The following AFG1L variants were observed in gnomAD, a reference collection of about 807,000 sequenced individuals.
AFG1L encodes AFG1-like ATPase.
Under a neutral mutation model 62.2 loss-of-function variants are expected in AFG1L, and 53 were observed. That is an observed-to-expected ratio of 0.85 (90% CI 0.68 to 1.07). The LOEUF is 1.07. AFG1L is among the 50% of genes least tolerant of loss of function. The probability of loss-of-function intolerance (pLI) is 0.00; values close to 1 mark genes in which losing one functional copy is unlikely to be tolerated. For missense variants in AFG1L, 555 were observed against 590.5 expected (o/e 0.94, Z 0.62); for synonymous variants, 228 against 210.3 (o/e 1.08, Z -0.73).
intron 6 of AFG1L, among the ~76,000 whole-genome samples, chr6:108,396,347 C>G (rs1021270889): frequency 2.0e-5 from 3 of 151,750 alleles, no homozygotes; most frequent in Non-Finnish European, 4.4e-5. Flanking sequence ...GTGACAGTTA[C>G]GTATATTAAA....
At chr6:108,449,600 A>AC (rs1771967933) in intron 8 of AFG1L, among the ~76,000 whole-genome samples, 1 of 151,832 alleles carries the variant, frequency 6.6e-6, no homozygotes, top group Admixed American at 6.6e-5. Context: ...TTGTAGAAAA[A>AC]CTTTTTTTTT....
intron 7 of AFG1L, among the ~76,000 whole-genome samples, chr6:108,441,932 C>A (rs1287604564): frequency 2.6e-5 from 4 of 151,666 alleles, no homozygotes; most frequent in Non-Finnish European, 5.9e-5. Context: ...CTTTCATTAG[C>A]CTTATTTTTT....
chr6:108,422,327 T>A (rs992070491), intron 7 of AFG1L, among the ~76,000 whole-genome samples: 2 of 151,548 alleles, frequency 1.3e-5, no homozygotes, highest in African/African-American at 4.9e-5. Flanking sequence ...TTACTTGAGC[T>A]CAGGAGTTTG....
chr6:108,457,719 C>T (rs1309102109), intron 8 of AFG1L, among the ~76,000 whole-genome samples: 1 of 151,782 alleles, frequency 6.6e-6, no homozygotes, highest in Non-Finnish European at 1.5e-5. Context: ...TTGAAATTTC[C>T]CCCGATATAA....
intron 10 of AFG1L, among the ~76,000 whole-genome samples, chr6:108,507,692 T>A (rs1368579426): frequency 6.6e-6 from 1 of 152,248 alleles, no homozygotes; most frequent in Non-Finnish European, 1.5e-5. Flanking sequence ...GTATACTTTC[T>A]GGTTTACAAA....
At chr6:108,514,831 A>G (rs921718539) in intron 11 of AFG1L, among the ~76,000 whole-genome samples, 4 of 152,344 alleles carry the variant, frequency 2.6e-5, no homozygotes, top group Middle Eastern at 6.8e-3. Context: ...AAACAAAAAA[A>G]GGCAGGGGTT....
At position 108,524,519 on chromosome 6, in the gene AFG1L, A is replaced by C. The variant is rs1330980164; in HGVS notation, c.*2094A>C. On this transcript the variant is annotated 3_prime_UTR_variant, in exon 13 of 13. Coordinates refer to ENST00000368977, the MANE Select transcript of AFG1L (RefSeq NM_145315.5). ...GGTCAAACGCATAGAAGCCTATGTA[A>C]TTCTCAGTGTAGCTTCCCTATAATG... The C allele has an allele frequency of 1.3e-5, 2 of 152,224 alleles. No homozygotes were observed. The highest frequency in any genetic ancestry group is 2.9e-5 in the Non-Finnish European group (2 of 68,038). The allele number at this position is 152,224 out of a possible 1,614,324, so 9.4% of individuals were successfully genotyped here.
At chr6:108,446,489 CTCTT>C (rs751403090) in intron 7 of AFG1L, among the ~76,000 whole-genome samples, 73 of 132,314 alleles carry the variant, frequency 5.5e-4, no homozygotes, top group East Asian at 1.0e-3. Flanking sequence ...CTCTCTCTCT[CTCTT>C]TTTTTTTTTT....
chr6:108,353,049 T>G (rs1273068945), intron 3 of AFG1L, among the ~76,000 whole-genome samples: 1 of 152,210 alleles, frequency 6.6e-6, no homozygotes, highest in African/African-American at 2.4e-5. Context: ...ATAATTCTGC[T>G]GTGAATATTG....
rs201547679 is a variant in AFG1L at position 108,510,305 on chromosome 6, C to G, written c.1156C>G (p.Gln386Glu). 1.8e-4 allele frequency: 292 copies of G among 1,612,376 alleles called. No individual in the cohort carries two copies. The highest frequency in any genetic ancestry group is 1.6e-4 in the Middle Eastern group (1 of 6,082). ...GCAATTTACTCTGGCAAACAGGACT[C>G]AAGGTCGAAGATTCATAACTCTCAT... The part of the protein sequence containing the change: ...IPQFTLANRT[Q>E]GRRFITLIDN... Residue 386 changes from glutamine (Q) to glutamate (E), a missense_variant, in exon 11 of 13, where the codon CAA becomes GAA. Physicochemically the swap from Gln to Glu is conservative, Grantham distance 29. Transcript: ENST00000368977.
intron 10 of AFG1L, among the ~76,000 whole-genome samples, chr6:108,486,108 A>G (rs1449000005): frequency 1.3e-5 from 2 of 152,254 alleles, no homozygotes; most frequent in African/African-American, 4.8e-5. Flanking sequence ...GTATGAAGAG[A>G]TTGGTAAAGT....
intron 1 of AFG1L, among the ~76,000 whole-genome samples, chr6:108,295,501 T>G (rs1776733470): frequency 6.6e-6 from 1 of 151,964 alleles, no homozygotes; most frequent in Admixed American, 6.6e-5. Flanking sequence ...TGGGAGTGCC[T>G]GGCTTGAAGA....
At chr6:108,319,961 A>G (rs2114283180) in intron 1 of AFG1L, among the ~76,000 whole-genome samples, 1 of 152,110 alleles carries the variant, frequency 6.6e-6, no homozygotes, top group African/African-American at 2.4e-5. Context: ...AATGAGGGGG[A>G]TATGAAAAGG....
intron 6 of AFG1L, among the ~76,000 whole-genome samples, chr6:108,383,490 A>G (rs1047015837): frequency 6.6e-6 from 1 of 152,190 alleles, no homozygotes; most frequent in Admixed American, 6.5e-5. Flanking sequence ...ATTAATTAAA[A>G]TTAAATAAAT....
intron 7 of AFG1L, among the ~76,000 whole-genome samples, chr6:108,427,614 C>T (rs1017934433): frequency 1.3e-5 from 2 of 150,550 alleles, no homozygotes; most frequent in Non-Finnish European, 2.9e-5. Context: ...CTCTGCCTCC[C>T]GGACTCAAGC....
At chr6:108,517,187 A>T (rs1041019456) in intron 11 of AFG1L, among the ~76,000 whole-genome samples, 2 of 152,248 alleles carry the variant, frequency 1.3e-5, no homozygotes, top group Admixed American at 6.5e-5. Context: ...AAGAGCCCGC[A>T]TTGCCAAGAC....
intron 10 of AFG1L, among the ~76,000 whole-genome samples, chr6:108,487,819 G>A (rs1029640575): frequency 2.6e-5 from 4 of 152,208 alleles, no homozygotes; most frequent in Non-Finnish European, 5.9e-5. Flanking sequence ...TGAGAGCAGA[G>A]TGCATGTTGG....
intron 8 of AFG1L, among the ~76,000 whole-genome samples, chr6:108,468,844 A>G (rs953154289): frequency 2.7e-5 from 4 of 146,966 alleles, no homozygotes; most frequent in African/African-American, 1.0e-4. Context: ...TTTTGGATCT[A>G]GCAGTCCTAT....
intron 1 of AFG1L, among the ~76,000 whole-genome samples, chr6:108,308,863 G>A (rs1214114013): frequency 2.0e-5 from 3 of 151,790 alleles, no homozygotes; most frequent in South Asian, 2.1e-4. Context: ...GTGCCACCAC[G>A]CCCAGCTGCT....
Sources: gnomAD v4.1 joint callset for allele counts (sites outside exome capture counted in the v4.1 genomes callset) on GRCh38, gnomAD v4.1.1 for gene constraint, MANE v1.5 for transcripts, NCBI Gene and HGNC (gene_info 2026-07-23, HGNC 2026-07-21) for gene names.